BAZ2B: variants seen among roughly 807,000 people sequenced by gnomAD.
BAZ2B encodes bromodomain adjacent to zinc finger domain protein 2B.
Under a neutral mutation model 246.0 loss-of-function variants are expected in BAZ2B, and 91 were observed. The observed-to-expected ratio is 0.37, with a 90% confidence interval of 0.31 to 0.44. BAZ2B has a LOEUF of 0.44. BAZ2B is among the 20% of genes least tolerant of loss of function. The pLI is 1.00. For synonymous variants in BAZ2B, 855 were observed against 860.0 expected (o/e 0.99, Z 0.10); for missense variants, 2,332 against 2,533.7 (o/e 0.92, Z 1.71).
intron 2 of BAZ2B, among the ~76,000 whole-genome samples, chr2:159,483,301 G>C (rs2079449681): frequency 6.6e-6 from 1 of 152,022 alleles, no homozygotes; most frequent in Non-Finnish European, 1.5e-5. Context: ...GGGCTCCAGT[G>C]ATCCTCCCAC....
At chr2:159,448,116 C>T (rs2074520934) in intron 5 of BAZ2B, 126 bp downstream of exon 5, 1 of 1,097,024 alleles carries the variant, frequency 9.1e-7, no homozygotes, top group African/African-American at 1.6e-5. Context: ...AGAGTGAGAC[C>T]TTGTCTCTAT....
intron 3 of BAZ2B, among the ~76,000 whole-genome samples, chr2:159,472,221 T>C (rs1324416818): frequency 6.6e-6 from 1 of 152,210 alleles, no homozygotes; most frequent in African/African-American, 2.4e-5. Context: ...TTTGTAACAA[T>C]TGTGAATGGG....
the BAZ2B span, among the ~76,000 whole-genome samples, chr2:159,639,885 C>A: frequency 4.0e-5 from 6 of 151,884 alleles, no homozygotes; most frequent in Admixed American, 2.0e-4. Context: ...AGACTAAACT[C>A]TCCAATCAAA....
intron 1 of BAZ2B, among the ~76,000 whole-genome samples, chr2:159,604,932 T>TGTGTGTG (rs1693056212): frequency 4.1e-5 from 5 of 123,246 alleles, no homozygotes; most frequent in Admixed American, 7.6e-5. Flanking sequence ...TTAATATATT[T>TGTGTGTG]TGTGTGTGTG....
intron 33 of BAZ2B, among the ~76,000 whole-genome samples, chr2:159,333,925 C>T (rs1019210699): frequency 1.3e-5 from 2 of 152,032 alleles, no homozygotes; most frequent in African/African-American, 4.8e-5. Context: ...TTTAACATTC[C>T]AATAATCAGT....
chr2:159,350,540 T>C (rs988284033), intron 27 of BAZ2B, among the ~76,000 whole-genome samples, 183 bp from the exon 28 acceptor site: 1 of 151,924 alleles, frequency 6.6e-6, no homozygotes, highest in Non-Finnish European at 1.5e-5. Context: ...AATTAACATA[T>C]ATATATATAT....
upstream of BAZ2B, among the ~76,000 whole-genome samples, chr2:159,621,527 C>T (rs141289122): frequency 2.6e-5 from 4 of 152,216 alleles, no homozygotes; most frequent in East Asian, 7.7e-4. Flanking sequence ...CATTATAAAA[C>T]CTTTAAAGCT....
chr2:159,599,341 G>A (rs929430221), intron 1 of BAZ2B, among the ~76,000 whole-genome samples: 3 of 152,172 alleles, frequency 2.0e-5, no homozygotes, highest in South Asian at 2.1e-4. Flanking sequence ...AGGGACTGCC[G>A]AGCGCGGTGG....
the BAZ2B span, among the ~76,000 whole-genome samples, chr2:159,656,334 CATT>C: frequency 0.064 from 9,708 of 152,198 alleles, 382 homozygotes; most frequent in Non-Finnish European, 0.092. Flanking sequence ...AATACTGACA[CATT>C]ATTAACTAAA....
intron 27 of BAZ2B, among the ~76,000 whole-genome samples, chr2:159,368,031 G>T (rs11686677): frequency 0.66 from 100,853 of 152,086 alleles, 35,642 homozygotes; most frequent in Non-Finnish European, 0.81. Context: ...GACACACTAC[G>T]TGCTCATATT....
chr2:159,403,063 G>A (rs1437487485), intron 16 of BAZ2B, among the ~76,000 whole-genome samples: 1 of 152,062 alleles, frequency 6.6e-6, no homozygotes, highest in Non-Finnish European at 1.5e-5. Context: ...TAATGTTTCT[G>A]AAATTTTCCA....
chr2:159,364,793 C>T (rs1201883513), intron 27 of BAZ2B, among the ~76,000 whole-genome samples: 1 of 152,180 alleles, frequency 6.6e-6, no homozygotes, highest in African/African-American at 2.4e-5. Flanking sequence ...CTTACAAGGT[C>T]GGCAGACGTT....
At chr2:159,477,892 G>A (rs929083699) in intron 3 of BAZ2B, among the ~76,000 whole-genome samples, 1 of 152,128 alleles carries the variant, frequency 6.6e-6, no homozygotes, top group Non-Finnish European at 1.5e-5. Context: ...GCGCAATCTT[G>A]GTTCACTGCA....
chr2:159,343,797 C>T (rs112810092), intron 31 of BAZ2B, among the ~76,000 whole-genome samples: 17 of 151,960 alleles, frequency 1.1e-4, no homozygotes, highest in Admixed American at 2.6e-4. Flanking sequence ...GAGGCTGAGG[C>T]GGGCAGATCA....
intron 33 of BAZ2B, among the ~76,000 whole-genome samples, chr2:159,335,338 G>A (rs573191251): frequency 6.6e-6 from 1 of 152,126 alleles, no homozygotes; most frequent in Non-Finnish European, 1.5e-5. Flanking sequence ...TTTGAGTTCA[G>A]GAGTTCGAGA....
intron 3 of BAZ2B, among the ~76,000 whole-genome samples, chr2:159,473,978 C>T (rs1225458399): frequency 6.6e-6 from 1 of 152,070 alleles, no homozygotes; most frequent in Non-Finnish European, 1.5e-5. Flanking sequence ...GTTTTACTTC[C>T]AATTATGTGG....
At chr2:159,680,611 C>A in the BAZ2B span, among the ~76,000 whole-genome samples, 1 of 152,202 alleles carries the variant, frequency 6.6e-6, no homozygotes, top group Non-Finnish European at 1.5e-5. Context: ...GCTGAAAATT[C>A]AGCCTCTGTG....
chr2:159,412,274 G>T, intron 14 of BAZ2B, 61 bp downstream of exon 14: 1 of 1,488,822 alleles, frequency 6.7e-7, no homozygotes, highest in East Asian at 2.4e-5. Context: ...AAAAATATTA[G>T]AAATACTTTT....
chr2:159,370,378 C>CTTT (rs55760591), intron 27 of BAZ2B, among the ~76,000 whole-genome samples: 1,764 of 92,212 alleles, frequency 0.019, 117 homozygotes, highest in African/African-American at 0.059. Context: ...ACTGTACTAC[C>CTTT]TTTTTTTTTT....
Sources: allele counts gnomAD v4.1 joint callset (sites outside exome capture counted in the v4.1 genomes callset), GRCh38; gene constraint gnomAD v4.1.1; transcripts MANE v1.5; gene names NCBI Gene and HGNC (gene_info 2026-07-23, HGNC 2026-07-21).